Variants in HERC1 observed in about 807,000 individuals in gnomAD.
HERC1 encodes the protein HECT and RLD domain containing E3 ubiquitin protein ligase family member 1.
HERC1 carries 160 observed loss-of-function variants against 554.3 expected under a neutral mutation model. The ratio of observed to expected loss-of-function variants is 0.29; its 90% confidence interval spans 0.25 to 0.33. The LOEUF is 0.33. HERC1 is among the 10% of genes least tolerant of loss of function. The pLI is 1.00. For missense variants in HERC1, 4,919 were observed against 5,918.5 expected (o/e 0.83, Z 5.54); for synonymous variants, 2,175 against 2,131.7 (o/e 1.02, Z -0.56).
At chr15:63,801,602 G>C (rs1023377686) in intron 1 of HERC1, among the ~76,000 whole-genome samples, 5 of 152,154 alleles carry the variant, frequency 3.3e-5, no homozygotes, top group East Asian at 1.9e-4. Context: ...TATTAGCATA[G>C]GTAAAGCACA....
chr15:63,820,103 T>C (rs2077634644), intron 1 of HERC1, among the ~76,000 whole-genome samples: 1 of 152,144 alleles, frequency 6.6e-6, no homozygotes, highest in South Asian at 2.1e-4. Flanking sequence ...ACACAAGAAA[T>C]ACATACAATT....
At chr15:63,622,948 C>T in intron 73 of HERC1, 57 bp from the exon 74 acceptor site, 1 of 1,038,702 alleles carries the variant, frequency 9.6e-7, no homozygotes, top group Non-Finnish European at 1.4e-6. Flanking sequence ...ATGAAGAGAA[C>T]AAACCAATTA....
chr15:63,686,630 A>C, intron 33 of HERC1, 95 bp from the exon 34 acceptor site: 2 of 984,168 alleles, frequency 2.0e-6, no homozygotes, highest in South Asian at 3.2e-5. Flanking sequence ...ACAAATATTT[A>C]TTATGTATCT....
rs747950930 is a variant in HERC1 at position 63,623,744 on chromosome 15, G to A, written c.13592C>T (p.Thr4531Ile). ...ADDAGGVFDD[T>I]ITEMCQELET... ...ATATACCTGGCACATCTCTGTGATGGTGTCATCAAACACTCCTCCAGCATC... is the reference window on the plus strand; with the variant it reads ...ATATACCTGGCACATCTCTGTGATGATGTCATCAAACACTCCTCCAGCATC... The change falls in exon 73 of 78, where the codon ACC becomes ATC. Residue 4531 changes from threonine (T) to isoleucine (I), a missense_variant. Coordinates refer to ENST00000443617, the MANE Select transcript of HERC1 (RefSeq NM_003922.4). The A allele has an allele frequency of 5.0e-6, 8 of 1,613,698 alleles. No homozygotes were observed. In the East Asian group the frequency reaches 6.7e-5, roughly 13 times the overall value.
chr15:63,636,552 T>C (rs2068790317), intron 64 of HERC1, among the ~76,000 whole-genome samples: 1 of 152,176 alleles, frequency 6.6e-6, no homozygotes, highest in Non-Finnish European at 1.5e-5. Context: ...TTTACAGGCA[T>C]GAGCCACAGT....
chr15:63,661,519 C>T (rs935519470), intron 45 of HERC1, among the ~76,000 whole-genome samples: 9 of 152,122 alleles, frequency 5.9e-5, no homozygotes, highest in Non-Finnish European at 1.2e-4. Flanking sequence ...CCATTACTTG[C>T]CAACAAGTCA....
intron 33 of HERC1, among the ~76,000 whole-genome samples, chr15:63,688,379 T>C (rs1393490460): frequency 6.6e-6 from 1 of 152,126 alleles, no homozygotes; most frequent in South Asian, 2.1e-4. Flanking sequence ...TTTGACATAC[T>C]GAGTATGAGA....
intron 14 of HERC1, among the ~76,000 whole-genome samples, chr15:63,730,218 G>A (rs1029263286): frequency 6.6e-6 from 1 of 151,334 alleles, no homozygotes; most frequent in Non-Finnish European, 1.5e-5. Context: ...ACTTTGGGAG[G>A]CCGAGGTGGA....
At chr15:63,786,920 A>ATTT (rs987704951) in intron 1 of HERC1, among the ~76,000 whole-genome samples, 6 of 133,564 alleles carry the variant, frequency 4.5e-5, no homozygotes, top group East Asian at 2.1e-4. Flanking sequence ...ATAAATTATT[A>ATTT]TTTTTTTTTT....
intron 12 of HERC1, among the ~76,000 whole-genome samples, chr15:63,737,029 C>G (rs571451581): frequency 6.6e-6 from 1 of 151,086 alleles, no homozygotes; most frequent in Non-Finnish European, 1.5e-5. Context: ...AAAAAAAGTA[C>G]ATAGAAACAA....
intron 1 of HERC1, among the ~76,000 whole-genome samples, chr15:63,785,598 A>G (rs995537516): frequency 4.6e-5 from 7 of 152,176 alleles, no homozygotes; most frequent in African/African-American, 1.4e-4. Flanking sequence ...GAGAAACCCC[A>G]TCTCTACAAA....
rs755147167 is a variant in HERC1, at chr15:63,694,841, C to T, written c.5175G>A (p.Val1725=). Residue 1725 remains valine, a synonymous_variant, in exon 28 of 78, where the codon GTG becomes GTA. Transcript: ENST00000443617. The surrounding 1 kb of genome is among the most constrained non-coding windows in gnomAD (Gnocchi z 4.3). Reference sequence around the variant, plus strand: ...CAGACAACTGTTGATAAATTTTATGCACAGCTACCTGGATTTCAATCTGAA... The same window carrying T: ...CAGACAACTGTTGATAAATTTTATGTACAGCTACCTGGATTTCAATCTGAA... ...RNIQIEIQVA[V]HKIYQQLSAT... The T allele has an allele frequency of 3.0e-5, 48 of 1,613,472 alleles. No individual in the cohort carries two copies. The highest frequency in any genetic ancestry group is 3.2e-5 in the Non-Finnish European group (38 of 1,179,602).
chr15:63,630,375 T>C, intron 69 of HERC1, 91 bp downstream of exon 69: 3 of 1,274,132 alleles, frequency 2.4e-6, no homozygotes, highest in Non-Finnish European at 3.3e-6. Flanking sequence ...TGCAGTAGAT[T>C]ATGAATTTCC....
Position 63,775,330 on chromosome 15 carries a change from TG to T in HERC1, c.293del (p.Pro98HisfsTer30). On this transcript the variant is annotated frameshift_variant, in exon 2 of 78. Transcript: ENST00000443617. LOFTEE classifies it high-confidence loss of function. The surrounding 1 kb of genome is among the most constrained non-coding windows in gnomAD (Gnocchi z 4.0). Reference protein sequence around the residue: ...ALAKMVCSDSPFAGALRKRLL... With the variant: ...ALAKMVCSDSXFAGALRKRLL... Reference sequence around the variant, plus strand: ...GTCGTTTTCTAAGTGCCCCGGCAAATGGGGAATCTGAACATACCATCTTTGC... The same window carrying T: ...GTCGTTTTCTAAGTGCCCCGGCAAATGGGAATCTGAACATACCATCTTTGC... The T allele has an allele frequency of 6.2e-7, 1 of 1,613,930 alleles. No homozygotes were observed. The highest frequency in any genetic ancestry group is 8.5e-7 in the Non-Finnish European group (1 of 1,179,858).
chr15:63,694,031 T>A lies in HERC1; in HGVS notation c.5607A>T (p.Gln1869His). The A allele has an allele frequency of 6.3e-7, 1 of 1,593,758 alleles. No homozygotes were observed. Among genetic ancestry groups the A allele is most frequent in the East Asian group, 2.3e-5 (1 of 44,418 alleles). ...LHMASFGEGEQEDGEEEEKKV... is the reference protein window; with the variant it reads ...LHMASFGEGEHEDGEEEEKKV... ...TTTTTTCTTCTTCTTCACCGTCTTC[T>A]TGCTCCCCTTCTCCGAAAGAGGCCA... Residue 1869 changes from glutamine (Q) to histidine (H), a missense_variant, in exon 30 of 78, where the codon CAA becomes CAT. Physicochemically the swap from Gln to His is conservative, Grantham distance 24. Transcript: ENST00000443617. This position sits in a 1 kb window ranked among gnomAD's most constrained non-coding sequence, Gnocchi z 4.3.
chr15:63,619,151 C>T (rs1321681143), intron 74 of HERC1, among the ~76,000 whole-genome samples: 2 of 152,214 alleles, frequency 1.3e-5, no homozygotes, highest in East Asian at 3.9e-4. Flanking sequence ...ATAGCTCTTA[C>T]TATTTTGAGA....
Position 63,686,524 on chromosome 15 carries a change from C to G in HERC1, c.6060G>C (p.Glu2020Asp). The change falls in exon 34 of 78, where the codon GAG becomes GAC. Residue 2020 changes from glutamate (E) to aspartate (D), a missense_variant. Transcript: ENST00000443617. ...GAAGATTCTCATCTTCTTCTTCCAA[C>G]TCGCCCTGCTTCTACCAGAAAAGAA... ...EQEIKLQKQG[E>D]LEEEDENLPI... 6.2e-7 allele frequency: 1 copy of G among 1,612,962 alleles called. No homozygotes were observed. Among genetic ancestry groups the G allele is most frequent in the Non-Finnish European group, 8.5e-7 (1 of 1,179,504 alleles).
chr15:63,814,525 T>C (rs1397598403), intron 1 of HERC1, among the ~76,000 whole-genome samples: 5 of 152,136 alleles, frequency 3.3e-5, no homozygotes, highest in African/African-American at 9.7e-5. Context: ...AGTGACACAA[T>C]AGCTCACCAC....
Position 63,612,667 on chromosome 15 carries a change from C to T in HERC1, c.14095-111G>A. ...TGCCTGCTCGTCCGCTCCCCAGACC[C>T]TCTACTTGTTTCTCAGACCGCCAGG... On this transcript the variant is annotated intron_variant, in intron 76 of 77. Transcript: ENST00000443617. The surrounding 1 kb of genome is among the most constrained non-coding windows in gnomAD (Gnocchi z 5.0). The T allele has an allele frequency of 4.9e-6, 5 of 1,025,230 alleles. No homozygotes were observed. In the South Asian group the frequency reaches 6.8e-5, roughly 14 times the overall value. The allele number at this position is 1,025,230 out of a possible 1,614,324, so 63.5% of individuals were successfully genotyped here.
Sources: gnomAD v4.1 joint callset for allele counts (sites outside exome capture counted in the v4.1 genomes callset) on GRCh38, gnomAD v4.1.1 for gene constraint, Gnocchi (gnomAD v3.1) non-coding constraint, MANE v1.5 for transcripts, NCBI Gene and HGNC (gene_info 2026-07-23, HGNC 2026-07-21) for gene names.